The following ABTB2 variants were observed in gnomAD, a reference collection of about 807,000 sequenced individuals.
The protein encoded by ABTB2 is ankyrin repeat and BTB/POZ domain-containing protein 2.
A neutral mutation model predicts 104.1 loss-of-function variants in ABTB2; 56 were observed. The observed-to-expected ratio is 0.54, with a 90% confidence interval of 0.43 to 0.67. The LOEUF (loss-of-function observed/expected upper bound fraction) is 0.67. Among genes scored for constraint, ABTB2 ranks in the 30% least tolerant of loss-of-function variants. ABTB2 has a pLI of 0.00. For missense variants in ABTB2, 1,279 were observed against 1,407.7 expected (o/e 0.91, Z 1.46); for synonymous variants, 606 against 608.2 (o/e 1.00, Z 0.05).
At chr11:34,190,188 C>A (rs1853154458) in intron 3 of ABTB2, among the ~76,000 whole-genome samples, 1 of 151,262 alleles carries the variant, frequency 6.6e-6, no homozygotes, top group African/African-American at 2.4e-5. Flanking sequence ...TGCAGTGAGT[C>A]AAGATCGTGC....
intron 1 of ABTB2, among the ~76,000 whole-genome samples, chr11:34,257,742 C>T (rs944860995): frequency 2.0e-5 from 3 of 152,146 alleles, no homozygotes; most frequent in African/African-American, 7.2e-5. Flanking sequence ...CGTACACCAC[C>T]ACATCTGGCT....
intron 3 of ABTB2, among the ~76,000 whole-genome samples, chr11:34,196,843 G>A (rs2092640): frequency 0.48 from 72,743 of 152,112 alleles, 19,728 homozygotes; most frequent in Non-Finnish European, 0.63. Context: ...AACACACCCA[G>A]GACCCCTCAT....
intron 1 of ABTB2, among the ~76,000 whole-genome samples, chr11:34,311,917 G>C (rs1388375838): frequency 6.6e-6 from 1 of 152,130 alleles, no homozygotes; most frequent in Non-Finnish European, 1.5e-5. Flanking sequence ...AAGGTGGGCG[G>C]AGCACCTGAG....
At chr11:34,250,507 C>A (rs934827647) in intron 1 of ABTB2, among the ~76,000 whole-genome samples, 3 of 152,204 alleles carry the variant, frequency 2.0e-5, no homozygotes, top group African/African-American at 7.2e-5. Flanking sequence ...TTATTGACAT[C>A]AAATGGCAGG....
intron 1 of ABTB2, among the ~76,000 whole-genome samples, chr11:34,271,372 A>G (rs1002254958): frequency 6.6e-6 from 1 of 152,122 alleles, no homozygotes; most frequent in Non-Finnish European, 1.5e-5. Flanking sequence ...CTTGGGTCCA[A>G]CCATCCAGAC....
chr11:34,243,320 T>A (rs991986721), intron 1 of ABTB2, among the ~76,000 whole-genome samples: 5 of 152,208 alleles, frequency 3.3e-5, no homozygotes, highest in Admixed American at 3.3e-4. Flanking sequence ...TCGCCCAGCC[T>A]GGAGTGCAGT....
At chr11:34,168,951 A>G (rs1351575423) in intron 5 of ABTB2, among the ~76,000 whole-genome samples, 1 of 152,246 alleles carries the variant, frequency 6.6e-6, no homozygotes, top group African/African-American at 2.4e-5. Context: ...ATTTGTGTGT[A>G]GACAAGATCT....
Position 34,154,835 on chromosome 11 carries a change from C to T in ABTB2, c.2698-66G>A. On this transcript the variant is annotated intron_variant, in intron 14 of 16. Coordinates refer to ENST00000435224, the MANE Select transcript of ABTB2 (RefSeq NM_145804.3). The surrounding 1 kb of genome is among the most constrained non-coding windows in gnomAD (Gnocchi z 4.9). ...GAGGCATGAAAGTCCTTGCCAGCCC[C>T]ACAGGGTACTGCTCCAGCTGCCGCC... is the stretch of plus-strand genomic sequence containing the variant. 1 of 1,548,768 alleles carries T rather than the reference C, an allele frequency of 6.5e-7. No homozygotes were observed. The highest frequency in any genetic ancestry group is 8.9e-7 in the Non-Finnish European group (1 of 1,123,408).
rs753440571 is a variant in ABTB2 at position 34,160,919 on chromosome 11, A to G, written c.2381T>C (p.Ile794Thr). ...VTEGLQLMFDILKTSKNDSVI... is the reference protein window; with the variant it reads ...VTEGLQLMFDTLKTSKNDSVI... ...CACACTTACTTTGCTGGTCTTGAGG[A>G]TGTCGAACATGAGCTGCAAGCCCTC... The change falls in exon 11 of 17, where the codon ATC (isoleucine) becomes ACC (threonine). Residue 794 changes from isoleucine (I) to threonine (T), a missense_variant. By Grantham distance (89) the Ile-to-Thr change is moderately conservative. Coordinates refer to ENST00000435224, the MANE Select transcript of ABTB2 (RefSeq NM_145804.3). 6.2e-7 allele frequency: 1 copy of G among 1,609,278 alleles called. No individual in the cohort carries two copies. Among genetic ancestry groups the G allele is most frequent in the South Asian group, 1.1e-5 (1 of 90,652 alleles).
chr11:34,206,547 C>T (rs539901442), intron 1 of ABTB2, among the ~76,000 whole-genome samples: 2 of 152,344 alleles, frequency 1.3e-5, no homozygotes, highest in South Asian at 4.1e-4. Flanking sequence ...ATATACTTAA[C>T]TCCTCTGTGA....
intron 1 of ABTB2, among the ~76,000 whole-genome samples, chr11:34,332,496 A>G (rs976882436): frequency 3.9e-5 from 6 of 152,230 alleles, no homozygotes; most frequent in African/African-American, 1.4e-4. Flanking sequence ...AGGGAATTAA[A>G]TTATAATTGG....
chr11:34,279,165 A>C (rs1311735799), intron 1 of ABTB2, among the ~76,000 whole-genome samples: 17 of 152,218 alleles, frequency 1.1e-4, no homozygotes. Flanking sequence ...TTTGTGAGTG[A>C]GATAGAATGA....
At chr11:34,326,734 T>C (rs1046874714) in intron 1 of ABTB2, among the ~76,000 whole-genome samples, 2 of 151,282 alleles carry the variant, frequency 1.3e-5, no homozygotes, top group African/African-American at 4.9e-5. Flanking sequence ...AGAAACTAGA[T>C]CCAAATACAT....
At chr11:34,178,217 C>T (rs1852979926) in intron 3 of ABTB2, among the ~76,000 whole-genome samples, 1 of 152,220 alleles carries the variant, frequency 6.6e-6, no homozygotes, top group Admixed American at 6.5e-5. Flanking sequence ...CCCACATGTA[C>T]AAACAAGGCC....
At chr11:34,315,579 G>T (rs914203374) in intron 1 of ABTB2, among the ~76,000 whole-genome samples, 12 of 152,104 alleles carry the variant, frequency 7.9e-5, no homozygotes, top group African/African-American at 2.9e-4. Context: ...CTCCTCTCCT[G>T]GCATCCAGTG....
At chr11:34,229,218 C>T (rs1234918836) in intron 1 of ABTB2, among the ~76,000 whole-genome samples, 5 of 151,414 alleles carry the variant, frequency 3.3e-5, no homozygotes, top group African/African-American at 7.3e-5. Context: ...TGCGGTGGCT[C>T]ACGCCTGTAA....
chr11:34,233,625 T>A (rs964551488), intron 1 of ABTB2, among the ~76,000 whole-genome samples: 2 of 150,052 alleles, frequency 1.3e-5, no homozygotes, highest in Non-Finnish European at 3.0e-5. Context: ...GCTGGGATTA[T>A]AGGCATGAAC....
intron 1 of ABTB2, among the ~76,000 whole-genome samples, chr11:34,269,861 C>A (rs1037569050): frequency 6.6e-6 from 1 of 152,208 alleles, no homozygotes; most frequent in African/African-American, 2.4e-5. Context: ...CAATACAACT[C>A]CACAGTTCAT....
intron 1 of ABTB2, among the ~76,000 whole-genome samples, chr11:34,233,333 C>CTTT (rs112892657): frequency 3.4e-5 from 5 of 145,580 alleles, no homozygotes; most frequent in South Asian, 2.2e-4. Context: ...CTCACTGCAG[C>CTTT]TTTTTTTTTT....
Sources: allele counts gnomAD v4.1 joint callset (sites outside exome capture counted in the v4.1 genomes callset), GRCh38; gene constraint gnomAD v4.1.1; non-coding constraint Gnocchi (gnomAD v3.1); transcripts MANE v1.5; gene names NCBI Gene and HGNC (gene_info 2026-07-23, HGNC 2026-07-21).